The following PCSK5 variants were observed in gnomAD, a reference collection of about 807,000 sequenced individuals.
PCSK5 encodes the protein prohormone convertase 5.
PCSK5 carries 129 observed loss-of-function variants against 233.2 expected under a neutral mutation model. The ratio of observed to expected loss-of-function variants is 0.55; its 90% CI spans 0.48 to 0.64. The LOEUF (loss-of-function observed/expected upper bound fraction) is 0.64, where lower values mean the gene tolerates loss of function less well. PCSK5 is among the 30% of genes least tolerant of loss of function. PCSK5 has a pLI of 0.00. For synonymous variants in PCSK5, 825 were observed against 879.2 expected (o/e 0.94, Z 1.09); for missense variants, 2,076 against 2,430.1 (o/e 0.85, Z 3.06).
chr9:76,135,143 TG>T (rs1822918719), intron 10 of PCSK5, among the ~76,000 whole-genome samples: 1 of 152,074 alleles, frequency 6.6e-6, no homozygotes, highest in Admixed American at 6.6e-5. Flanking sequence ...AACATGGTCC[TG>T]GGCAAGTCAT....
intron 12 of PCSK5, among the ~76,000 whole-genome samples, chr9:76,164,434 G>A (rs535586157): frequency 5.9e-5 from 9 of 152,260 alleles, no homozygotes; most frequent in South Asian, 2.1e-4. Context: ...TTAAGATCAC[G>A]TACAGTTACA....
chr9:76,173,115 TTCC>T (rs1165501698), intron 13 of PCSK5, among the ~76,000 whole-genome samples: 3 of 152,254 alleles, frequency 2.0e-5, no homozygotes, highest in Non-Finnish European at 2.9e-5. Context: ...GTAGCTCTGT[TTCC>T]TCCTCTATAT....
intron 8 of PCSK5, among the ~76,000 whole-genome samples, chr9:76,102,232 C>T (rs1407121446): frequency 2.6e-5 from 4 of 152,108 alleles, no homozygotes; most frequent in Non-Finnish European, 4.4e-5. Flanking sequence ...TTAGCACTGA[C>T]GAGCCCTTTT....
At chr9:76,356,596 C>G (rs916610721) in intron 37 of PCSK5, among the ~76,000 whole-genome samples, 1 of 152,156 alleles carries the variant, frequency 6.6e-6, no homozygotes, top group African/African-American at 2.4e-5. Flanking sequence ...AAATTCTATG[C>G]TGAACTTGCT....
rs759250174 is a variant in PCSK5, at chr9:76,296,826, C to T, written c.3484C>T (p.His1162Tyr). Residue 1162 changes from histidine to tyrosine, a missense_variant, in exon 27 of 38, where the codon CAT (histidine) becomes TAT (tyrosine). By Grantham distance (83) the His-to-Tyr change is moderately conservative. Coordinates refer to ENST00000674117, the MANE Select transcript of PCSK5 (RefSeq NM_001372043.1). ...GLQLLRGMCV[H>Y]ATKTQEEGKF... Reference sequence around the variant, plus strand: ...GCAGCTGCTGCGTGGGATGTGCGTGCATGCCACCAAGACCCAGGAGGAGGG... The same window carrying T: ...GCAGCTGCTGCGTGGGATGTGCGTGTATGCCACCAAGACCCAGGAGGAGGG... 56 of 1,612,402 alleles carry T rather than the reference C, an allele frequency of 3.5e-5. 1 individual carries two copies. The East Asian group carries it at 8.5e-4, about 24-fold the overall frequency.
At chr9:76,067,118 G>A (rs1214299154) in intron 5 of PCSK5, among the ~76,000 whole-genome samples, 2 of 152,320 alleles carry the variant, frequency 1.3e-5, no homozygotes, top group East Asian at 1.9e-4. Context: ...CCGTTTCTAA[G>A]CAAATTGTAC....
At chr9:75,897,657 C>T (rs1825869413) in intron 1 of PCSK5, among the ~76,000 whole-genome samples, 1 of 151,950 alleles carries the variant, frequency 6.6e-6, no homozygotes, top group Admixed American at 6.6e-5. Context: ...CCACACCTGG[C>T]TAATTTTTGT....
chr9:76,298,814 C>A (rs1249020789), intron 27 of PCSK5, among the ~76,000 whole-genome samples: 1 of 152,104 alleles, frequency 6.6e-6, no homozygotes, highest in Non-Finnish European at 1.5e-5. Flanking sequence ...GATATAGCTG[C>A]CTAGGTGGTA....
intron 2 of PCSK5, among the ~76,000 whole-genome samples, chr9:75,949,470 C>A (rs898820967): frequency 1.3e-5 from 2 of 151,902 alleles, no homozygotes; most frequent in African/African-American, 4.8e-5. Context: ...ATTGTGTAAC[C>A]ATTGTTTATT....
Position 76,321,445 on chromosome 9 carries a change from T to A in PCSK5, c.3908T>A (p.Ile1303Lys). The change falls in exon 31 of 38, where the codon ATA becomes AAA. Residue 1303 changes from isoleucine to lysine, a missense_variant. Physicochemically the swap from Ile to Lys is moderately radical, Grantham distance 102. Coordinates refer to ENST00000674117, the MANE Select transcript of PCSK5 (RefSeq NM_001372043.1). ...AGGGGCTCTTATGCAGAAGACGGCA[T>A]ATGTGAACGCTGTAGCTCTCCTTGC... is the stretch of plus-strand genomic sequence containing the variant. ...CPEGSYAEDGICERCSSPCRT... is the reference protein window; with the variant it reads ...CPEGSYAEDGKCERCSSPCRT... 1.2e-6 allele frequency: 2 copies of A among 1,604,320 alleles called. No homozygotes were observed. Among genetic ancestry groups the A allele is most frequent in the Non-Finnish European group, 1.7e-6 (2 of 1,172,260 alleles).
chr9:76,296,604 A>G, intron 26 of PCSK5, 61 bp from the exon 27 acceptor site: 1 of 1,108,690 alleles, frequency 9.0e-7, no homozygotes, highest in Non-Finnish European at 1.4e-6. Flanking sequence ...CAGCCTCTTT[A>G]GAACTTGGCC....
intron 32 of PCSK5, among the ~76,000 whole-genome samples, chr9:76,326,731 G>A: frequency 6.6e-6 from 1 of 152,198 alleles, no homozygotes; most frequent in South Asian, 2.1e-4. Context: ...CAGGTCTGGG[G>A]AACAGCAGGG....
At chr9:76,010,430 CTTAG>C (rs767566378) in intron 3 of PCSK5, among the ~76,000 whole-genome samples, 74 of 152,126 alleles carry the variant, frequency 4.9e-4, no homozygotes, top group Non-Finnish European at 7.7e-4. Context: ...TTTTGTTTGT[CTTAG>C]TTAGAATCTT....
At position 76,003,106 on chromosome 9, in the gene PCSK5, T is replaced by C. The variant is rs536608678; in HGVS notation, c.411+16861T>C. Among the ~76,000 whole-genome samples the C allele has an allele frequency of 2.0e-5, 3 of 152,330 alleles. No individual in the cohort carries two copies. The South Asian group carries it at 6.2e-4, about 32-fold the overall frequency. ...TAGAGGGAGAGTAGCATGTAAGAGA[T>C]AGCAAGAGTCTACAGAGGACTACGA... On this transcript the variant is annotated intron_variant, in intron 3 of 37. Transcript: ENST00000674117.
intron 24 of PCSK5, among the ~76,000 whole-genome samples, chr9:76,261,084 A>G (rs1044959868): frequency 6.6e-6 from 1 of 152,180 alleles, no homozygotes; most frequent in African/African-American, 2.4e-5. Flanking sequence ...GTTGTGCTGG[A>G]TAGCAATTAG....
At chr9:75,963,477 GT>G (rs1192049233) in intron 2 of PCSK5, among the ~76,000 whole-genome samples, 1 of 152,196 alleles carries the variant, frequency 6.6e-6, no homozygotes, top group Non-Finnish European at 1.5e-5. Flanking sequence ...TTGACATTTA[GT>G]TTTCCTGTGG....
At chr9:76,063,278 GTGTGCACCACCACACCTGGCTAC>G (rs1185347832) in intron 5 of PCSK5, among the ~76,000 whole-genome samples, 1 of 147,012 alleles carries the variant, frequency 6.8e-6, no homozygotes, top group African/African-American at 2.5e-5. Context: ...AGGACAACAG[GTGTGCACCACCACACCTGGCTAC>G]TGGCTAATTT....
intron 11 of PCSK5, among the ~76,000 whole-genome samples, chr9:76,157,957 T>A (rs1246726194): frequency 6.6e-6 from 1 of 152,252 alleles, no homozygotes; most frequent in Non-Finnish European, 1.5e-5. Context: ...ACTTGGGTAT[T>A]ATTCTCATTT....
chr9:76,113,309 G>A (rs1832297155), intron 9 of PCSK5, among the ~76,000 whole-genome samples: 1 of 152,098 alleles, frequency 6.6e-6, no homozygotes, highest in African/African-American at 2.4e-5. Context: ...TTGAGCCAAA[G>A]GATGATTCAC....
Sources: allele counts gnomAD v4.1 joint callset (sites outside exome capture counted in the v4.1 genomes callset), GRCh38; gene constraint gnomAD v4.1.1; transcripts MANE v1.5; gene names NCBI Gene and HGNC (gene_info 2026-07-23, HGNC 2026-07-21).